SLC4A2: variants seen among roughly 807,000 people sequenced by gnomAD.
The protein encoded by SLC4A2 is solute carrier family 4 member 2.
SLC4A2 carries 36 observed loss-of-function variants against 115.0 expected under a neutral mutation model. The observed-to-expected ratio is 0.31, with a 90% CI of 0.24 to 0.41. The LOEUF (loss-of-function observed/expected upper bound fraction) is 0.41, where lower values mean the gene tolerates loss of function less well. Ranked by LOEUF, SLC4A2 falls within the 10% of genes least tolerant of loss-of-function variation. The pLI is 1.00. For synonymous variants in SLC4A2, 708 were observed against 708.3 expected (o/e 1.00, Z 0.01); for missense variants, 1,252 against 1,705.6 (o/e 0.73, Z 4.68).
At position 151,071,246 on chromosome 7, in the gene SLC4A2, C is replaced by T. The variant is rs186757015; in HGVS notation, c.1924C>T (p.Arg642Trp). ...GCTCAAGAAGCGAGAGGAGCAGGGCCGGCTGCTACCTACAGGGGCTGGGCT... is the reference window on the plus strand; with the variant it reads ...GCTCAAGAAGCGAGAGGAGCAGGGCTGGCTGCTACCTACAGGGGCTGGGCT... Reference protein sequence around the residue: ...QMLKKREEQGRLLPTGAGLEP... With the variant: ...QMLKKREEQGWLLPTGAGLEP... The change falls in exon 13 of 23, where the codon CGG becomes TGG. Residue 642 changes from arginine to tryptophan, a missense_variant. Transcript: ENST00000413384. This position sits in a 1 kb window ranked among gnomAD's most constrained non-coding sequence, Gnocchi z 5.5. The T allele has an allele frequency of 9.5e-6, 15 of 1,572,470 alleles. No homozygotes were observed. Among genetic ancestry groups the T allele is most frequent in the African/African-American group, 2.7e-5 (2 of 73,888 alleles).
Position 151,071,301 on chromosome 7 carries a change from C to CGGCCAGGGCGGGCTGG in SLC4A2, c.1975+14_1975+29dup, listed in dbSNP as rs1563357254. On this transcript the variant is annotated splice_donor_region_variant and intron_variant, in intron 13 of 22. Transcript: ENST00000413384. The surrounding 1 kb of genome is among the most constrained non-coding windows in gnomAD (Gnocchi z 5.5). Reference sequence around the variant, plus strand: ...CCCAAATCTGCCCAAGATAAGGGTACGGCCAGGGCGGGCTGGGGCCAGGGC... The same window carrying CGGCCAGGGCGGGCTGG: ...CCCAAATCTGCCCAAGATAAGGGTACGGCCAGGGCGGGCTGGGGCCAGGGCGGGCTGGGGCCAGGGC... 3 of 1,547,604 alleles carry CGGCCAGGGCGGGCTGG rather than the reference C, an allele frequency of 1.9e-6. No homozygotes were observed. The Admixed American group carries it at 5.8e-5, about 30-fold the overall frequency.
rs779774370 is a variant in SLC4A2 at position 151,071,908 on chromosome 7, C to A, written c.2341-34C>A. 12 of 1,609,966 alleles carry A rather than the reference C, an allele frequency of 7.5e-6. No individual in the cohort carries two copies. Among genetic ancestry groups the A allele is most frequent in the African/African-American group, 1.3e-5 (1 of 74,752 alleles). On this transcript the variant is annotated intron_variant, in intron 15 of 22. Coordinates refer to ENST00000413384, the MANE Select transcript of SLC4A2 (RefSeq NM_003040.4). This position sits in a 1 kb window ranked among gnomAD's most constrained non-coding sequence, Gnocchi z 5.5. ...AGACACCTCCCCACAGCATCCCCAC[C>A]CAGAGCTCAGGACCTGACTGCCCCT...
intron 2 of SLC4A2, chr7:151,063,177 C>T (rs753323929): frequency 1.5e-6 from 2 of 1,354,766 alleles, no homozygotes; most frequent in South Asian, 2.7e-5. Context: ...TCCGCGCCCG[C>T]AGGATGACTC....
chr7:151,070,670 G>T, intron 11 of SLC4A2, 57 bp from the exon 12 acceptor site: 1 of 1,605,222 alleles, frequency 6.2e-7, no homozygotes, highest in Non-Finnish European at 8.5e-7. Context: ...CCTGGGCGAG[G>T]GACTGGAAGG....
rs768370592 is a variant in SLC4A2, at chr7:151,070,204, TCTC to T, written c.1310_1312del (p.Ser437del). 8 of 1,613,986 alleles carry T rather than the reference TCTC, an allele frequency of 5.0e-6. No homozygotes were observed. Among genetic ancestry groups the T allele is most frequent in the Admixed American group, 1.7e-5 (1 of 60,004 alleles). On this transcript the variant is annotated inframe_deletion, in exon 10 of 23. Coordinates refer to ENST00000413384, the MANE Select transcript of SLC4A2 (RefSeq NM_003040.4). ...AGCCACCCAAGTGATGAGAAGGACT[TCTC>T]CTTCCCCCGCAACATCTCAGCTGGC...
At position 151,070,596 on chromosome 7, in the gene SLC4A2, G is replaced by T. The variant is rs537883574; in HGVS notation, c.1564+25G>T. 3.7e-6 allele frequency: 6 copies of T among 1,606,366 alleles called. No individual in the cohort carries two copies. In the Admixed American group the frequency reaches 1.0e-4, roughly 27 times the overall value. On this transcript the variant is annotated intron_variant, in intron 11 of 22. Coordinates refer to ENST00000413384, the MANE Select transcript of SLC4A2 (RefSeq NM_003040.4). ...GGTATGTGGGGCAGGTCACATGTAGGGGGCTTGGTGGCCAGGCCTTGAGGC... is the reference window on the plus strand; with the variant it reads ...GGTATGTGGGGCAGGTCACATGTAGTGGGCTTGGTGGCCAGGCCTTGAGGC...
Position 151,063,145 on chromosome 7 carries a change from G to C in SLC4A2, c.52-1057G>C, listed in dbSNP as rs546779140. The C allele has an allele frequency of 1.9e-4, 284 of 1,513,938 alleles. 1 individual carries two copies. The East Asian group carries it at 6.5e-3, about 34-fold the overall frequency. 93.8% of individuals were successfully genotyped at this position (1,513,938 alleles called of 1,614,324 possible). A position where few individuals can be genotyped will look rare whatever the true frequency, so the allele number is the denominator to read the frequency against. ...TCTTACAAGCGCCGCATTCCCTGCC[G>C]GCTGTGCCGGCCGGCCGCTGCTCCG... On this transcript the variant is annotated intron_variant, in intron 2 of 22. Coordinates refer to ENST00000413384, the MANE Select transcript of SLC4A2 (RefSeq NM_003040.4).
rs1232687109 is a variant in SLC4A2, at chr7:151,064,206, A to G, written c.56A>G (p.Glu19Gly). ...AKGADSFCTPEPESLGPGTPG... is the reference protein window; with the variant it reads ...AKGADSFCTPGPESLGPGTPG... The stretch of plus-strand genomic sequence containing the variant: ...TCTCTGCCTTCTTCCTCACAGCCAG[A>G]GCCAGAGAGCTTGGGCCCTGGGACG... Residue 19 changes from glutamate (E) to glycine (G), a missense_variant, in exon 3 of 23, where the codon GAG (glutamate) becomes GGG (glycine). Coordinates refer to ENST00000413384, the MANE Select transcript of SLC4A2 (RefSeq NM_003040.4). The G allele has an allele frequency of 6.2e-7, 1 of 1,612,096 alleles. No individual in the cohort carries two copies. Among genetic ancestry groups the G allele is most frequent in the East Asian group, 2.2e-5 (1 of 44,862 alleles).
chr7:151,066,511 G>A lies in SLC4A2; in HGVS notation c.579-6G>A, dbSNP rs1469188335. The stretch of plus-strand genomic sequence containing the variant: ...TCTCGGGCTCACGGCCATTCTGTCT[G>A]CCTAGAACCCAGGTGGAGGAGGCGG... On this transcript the variant is annotated splice_region_variant and splice_polypyrimidine_tract_variant and intron_variant, in intron 5 of 22. Coordinates refer to ENST00000413384, the MANE Select transcript of SLC4A2 (RefSeq NM_003040.4). 2 of 1,511,494 alleles carry A rather than the reference G, an allele frequency of 1.3e-6. No homozygotes were observed. The highest frequency in any genetic ancestry group is 1.4e-5 in the African/African-American group (1 of 72,116). 93.6% of individuals were successfully genotyped at this position (1,511,494 alleles called of 1,614,324 possible).
At position 151,064,702 on chromosome 7, in the gene SLC4A2, A is replaced by G; in HGVS notation, c.394A>G (p.Ser132Gly). The change falls in exon 4 of 23, where the codon AGC (serine) becomes GGC (glycine). Residue 132 changes from serine to glycine, a missense_variant. Ser to Gly is a moderately conservative substitution (Grantham distance 56). Coordinates refer to ENST00000413384, the MANE Select transcript of SLC4A2 (RefSeq NM_003040.4). ...EEGEEDEDEA[S>G]EAEGARALTQ... The stretch of plus-strand genomic sequence containing the variant: ...GGGGGAGGAAGATGAGGATGAGGCC[A>G]GCGAGGCTGAGGGGGCCCGGGCTCT... 2 of 1,613,432 alleles carry G rather than the reference A, an allele frequency of 1.2e-6. No individual in the cohort carries two copies. The highest frequency in any genetic ancestry group is 1.7e-6 in the Non-Finnish European group (2 of 1,179,686).
In SLC4A2 at chr7:151,076,346, T is replaced by C. The variant is rs775393593; in HGVS notation, c.3705T>C (p.Asn1235=). The C allele has an allele frequency of 8.6e-6, 13 of 1,518,190 alleles. No homozygotes were observed. The highest frequency in any genetic ancestry group is 1.1e-5 in the Non-Finnish European group (13 of 1,131,150). The allele number at this position is 1,518,190 out of a possible 1,614,324, so 94.0% of individuals were successfully genotyped here. A position where few individuals can be genotyped will look rare whatever the true frequency, so the allele number is the denominator to read the frequency against. ...AGCGGGAGGGTGTGGACGAGTACAA[T>C]GAGATGCCCATGCCTGTGTAGCCGC... ...FDEREGVDEY[N]EMPMPV Residue 1235 remains asparagine, a synonymous_variant, in exon 23 of 23, where the codon AAT becomes AAC. Coordinates refer to ENST00000413384, the MANE Select transcript of SLC4A2 (RefSeq NM_003040.4).
At position 151,060,164 on chromosome 7, in the gene SLC4A2, C is replaced by T. The variant is rs1442409533; in HGVS notation, c.-64+402C>T. The T allele has an allele frequency of 1.3e-5, 2 of 151,866 alleles. No individual in the cohort carries two copies. The highest frequency in any genetic ancestry group is 2.0e-4 in the East Asian group (1 of 5,076). 9.4% of individuals were successfully genotyped at this position (151,866 alleles called of 1,614,324 possible). A position where few individuals can be genotyped will look rare whatever the true frequency, so the allele number is the denominator to read the frequency against. ...TGCCCGGGGCCCCCATCCCCAATCTCCGGGTTGAGAGGCGAAGCCAGGAAA... is the reference window on the plus strand; with the variant it reads ...TGCCCGGGGCCCCCATCCCCAATCTTCGGGTTGAGAGGCGAAGCCAGGAAA... On this transcript the variant is annotated intron_variant, in intron 1 of 22. Transcript: ENST00000413384. This position sits in a 1 kb window ranked among gnomAD's most constrained non-coding sequence, Gnocchi z 5.9.
chr7:151,073,901 T>C, intron 16 of SLC4A2, 138 bp from the exon 17 acceptor site: 1 of 926,898 alleles, frequency 1.1e-6, no homozygotes, highest in South Asian at 1.7e-5. Context: ...TGGGTCATTG[T>C]CTTAATTCAA....
At position 151,070,227 on chromosome 7, in the gene SLC4A2, G is replaced by A; in HGVS notation, c.1330G>A (p.Ala444Thr). 1 of 1,614,140 alleles carries A rather than the reference G, an allele frequency of 6.2e-7. No individual in the cohort carries two copies. The highest frequency in any genetic ancestry group is 1.1e-5 in the South Asian group (1 of 91,092). Reference sequence around the variant, plus strand: ...CTTCTCCTTCCCCCGCAACATCTCAGCTGGCTCCCTGGGCTCCCTGCTGGG... The same window carrying A: ...CTTCTCCTTCCCCCGCAACATCTCAACTGGCTCCCTGGGCTCCCTGCTGGG... ...KDFSFPRNIS[A>T]GSLGSLLGHH... The change falls in exon 10 of 23, where the codon GCT (alanine) becomes ACT (threonine). Residue 444 changes from alanine (A) to threonine (T), a missense_variant. By Grantham distance (58) the Ala-to-Thr change is moderately conservative (BLOSUM62 0). Transcript: ENST00000413384.
Position 151,059,987 on chromosome 7 carries a change from AGCCAGGGT to A in SLC4A2, c.-64+229_-64+236del, listed in dbSNP as rs1796994543. 1 of 151,966 alleles carries A rather than the reference AGCCAGGGT, an allele frequency of 6.6e-6. No individual in the cohort carries two copies. Among genetic ancestry groups the A allele is most frequent in the Admixed American group, 6.5e-5 (1 of 15,278 alleles). 9.4% of individuals were successfully genotyped at this position (151,966 alleles called of 1,614,324 possible). A position where few individuals can be genotyped will look rare whatever the true frequency, so the allele number is the denominator to read the frequency against. ...GGGTCCCCTTCTCAGAGTTCCCTAA[AGCCAGGGT>A]GCCGCGCCCCCTGCCACCAGGAGGG... On this transcript the variant is annotated intron_variant, in intron 1 of 22. Coordinates refer to ENST00000413384, the MANE Select transcript of SLC4A2 (RefSeq NM_003040.4). The surrounding 1 kb of genome is among the most constrained non-coding windows in gnomAD (Gnocchi z 5.8).
At chr7:151,062,927 G>T (rs1563339427) in intron 2 of SLC4A2, 3 of 1,397,524 alleles carry the variant, frequency 2.1e-6, no homozygotes, top group South Asian at 1.6e-5. Flanking sequence ...CCCTCCCCGC[G>T]CTCTTCCTTG....
In SLC4A2 at chr7:151,074,292, G is replaced by A. The variant is rs771655077; in HGVS notation, c.2789G>A (p.Arg930Gln). 38 of 1,609,016 alleles carry A rather than the reference G, an allele frequency of 2.4e-5. No individual in the cohort carries two copies. The highest frequency in any genetic ancestry group is 2.2e-4 in the South Asian group (20 of 91,028). ...KFKNSRFFPG[R>Q]IRRVIGDFGV... ...AAGAACAGCCGGTTCTTTCCTGGCCGGGTGCGTGGGCTTAAAGGCCAAGAG... is the reference window on the plus strand; with the variant it reads ...AAGAACAGCCGGTTCTTTCCTGGCCAGGTGCGTGGGCTTAAAGGCCAAGAG... Residue 930 changes from arginine (R) to glutamine (Q), a missense_variant and splice_region_variant, in exon 17 of 23, where the codon CGG becomes CAG. Physicochemically the swap from Arg to Gln is conservative, Grantham distance 43 (BLOSUM62 1). Coordinates refer to ENST00000413384, the MANE Select transcript of SLC4A2 (RefSeq NM_003040.4).
intron 1 of SLC4A2, 149 bp from the exon 2 acceptor site, chr7:151,061,776 T>C (rs1171856028): frequency 1.8e-6 from 1 of 563,892 alleles, no homozygotes; most frequent in African/African-American, 1.9e-5. Context: ...TTTCTTCCTA[T>C]AAATAACTCT....
At chr7:151,062,598 C>A in intron 2 of SLC4A2, 1 of 1,500,070 alleles carries the variant, frequency 6.7e-7, no homozygotes, top group South Asian at 1.3e-5. Context: ...GGGGCACAGG[C>A]TGGTCCCCTC....
Sources: allele counts gnomAD v4.1 joint callset, GRCh38; gene constraint gnomAD v4.1.1; non-coding constraint Gnocchi (gnomAD v3.1); transcripts MANE v1.5; gene names NCBI Gene and HGNC (gene_info 2026-07-23, HGNC 2026-07-21).